Variants in CYP4F2 observed in about 807,000 individuals in gnomAD.
CYP4F2 encodes the protein cytochrome P450 4F2.
Under a neutral mutation model 58.9 loss-of-function variants are expected in CYP4F2, and 58 were observed. That is an observed-to-expected ratio of 0.98 (90% CI 0.80 to 1.23). CYP4F2 has a LOEUF of 1.23. Among genes scored for constraint, CYP4F2 ranks in the 50% most tolerant of loss-of-function variants. The pLI is 0.00. For missense variants in CYP4F2, 616 were observed against 685.6 expected (o/e 0.90, Z 1.13); for synonymous variants, 287 against 261.1 (o/e 1.10, Z -0.95).
intron 8 of CYP4F2, 54 bp from the exon 9 acceptor site, chr19:15,886,107 T>C: frequency 6.2e-7 from 1 of 1,605,534 alleles, no homozygotes; most frequent in Non-Finnish European, 8.5e-7. Flanking sequence ...CACCCGAAGG[T>C]AGACAGCACC....
chr19:15,890,403 T>C lies in CYP4F2; in HGVS notation c.556A>G (p.Ser186Gly), dbSNP rs752997881. The C allele has an allele frequency of 2.5e-6, 4 of 1,614,062 alleles. No homozygotes were observed. The highest frequency in any genetic ancestry group is 3.4e-6 in the Non-Finnish European group (4 of 1,179,974). Residue 186 changes from serine to glycine, a missense_variant, in exon 6 of 13, where the codon AGT becomes GGT. Coordinates refer to ENST00000221700, the MANE Select transcript of CYP4F2 (RefSeq NM_001082.5). ...TGCTCAAACATATCCAAACAGGCAC[T>C]ACCCTCTGAGGCCAGGAGCTGCCAC... ...AKWQLLASEG[S>G]ACLDMFEHIS... is the part of the protein sequence containing the mutation.
intron 7 of CYP4F2, among the ~76,000 whole-genome samples, chr19:15,887,419 C>T (rs1381850484): frequency 1.3e-5 from 2 of 151,678 alleles, no homozygotes; most frequent in Admixed American, 1.3e-4. Flanking sequence ...CACACATAAA[C>T]ATAGACATAG....
At position 15,885,907 on chromosome 19, in the gene CYP4F2, C is replaced by G; in HGVS notation, c.1115+17G>C. 5.0e-6 allele frequency: 8 copies of G among 1,609,476 alleles called. No individual in the cohort carries two copies. The highest frequency in any genetic ancestry group is 6.8e-6 in the Non-Finnish European group (8 of 1,177,494). ...ATGAGAAGGTCTCAGGAAGAGGCCA[C>G]AAGCACCTGCACTCACCATTCAATC... On this transcript the variant is annotated intron_variant, in intron 9 of 12. Coordinates refer to ENST00000221700, the MANE Select transcript of CYP4F2 (RefSeq NM_001082.5).
Position 15,893,435 on chromosome 19 carries a change from C to A in CYP4F2, c.344-853G>T, listed in dbSNP as rs1469061768. Among the ~76,000 whole-genome samples, 7 of 152,284 alleles carry A rather than the reference C, an allele frequency of 4.6e-5. No individual in the cohort carries two copies. In the East Asian group the frequency reaches 1.2e-3, roughly 25 times the overall value. On this transcript the variant is annotated intron_variant, in intron 3 of 12. Transcript: ENST00000221700. Reference sequence around the variant, plus strand: ...GCCACAGATAAGCCCCAAACTTGACCAGCTCTACATGACCCCAGTTGGAAT... The same window carrying A: ...GCCACAGATAAGCCCCAAACTTGACAAGCTCTACATGACCCCAGTTGGAAT...
intron 7 of CYP4F2, among the ~76,000 whole-genome samples, chr19:15,888,953 T>C (rs2089399255): frequency 6.6e-6 from 1 of 151,656 alleles, no homozygotes; most frequent in South Asian, 2.1e-4. Context: ...GACAAAGACA[T>C]AAACAGAGAC....
Position 15,878,779 on chromosome 19 carries a change from G to T in CYP4F2, c.1555C>A (p.Leu519Met), listed in dbSNP as rs3093200. ...GTGGGTCTCTGCAGAACTCAGCTCA[G>T]GGGCTCCACCCGCAGCCAAAGTCCG... ...EGGLWLRVEP[L>M]S is the part of the protein sequence containing the mutation. Residue 519 changes from leucine (L) to methionine (M), a missense_variant, in exon 13 of 13, where the codon CTG (leucine) becomes ATG (methionine). Coordinates refer to ENST00000221700, the MANE Select transcript of CYP4F2 (RefSeq NM_001082.5). 100,870 of 1,611,242 alleles carry T rather than the reference G, an allele frequency of 0.063. 1,872 individuals are homozygous for T. The highest frequency in any genetic ancestry group is 0.14 in the African/African-American group (10,410 of 73,710).
chr19:15,880,829 A>G (rs2089340337), intron 9 of CYP4F2, among the ~76,000 whole-genome samples: 1 of 152,374 alleles, frequency 6.6e-6, no homozygotes, highest in South Asian at 2.1e-4. Flanking sequence ...TTAAAATTTA[A>G]TAATACATTA....
chr19:15,892,938 G>A (rs1485315013), intron 3 of CYP4F2, among the ~76,000 whole-genome samples: 1 of 152,178 alleles, frequency 6.6e-6, no homozygotes, highest in Non-Finnish European at 1.5e-5. Flanking sequence ...GTCTGTCCCA[G>A]CACTCTCTGA....
chr19:15,895,533 T>C lies in CYP4F2; in HGVS notation c.316A>G (p.Ile106Val), dbSNP rs1260536761. ...GAGGCGTTGATGACAGACCGGATGA[T>C]GTCGGGGTGGCACAAACTGAGGAGG... ...SPLLSLCHPD[I>V]IRSVINASAA... is the part of the protein sequence containing the mutation. Residue 106 changes from isoleucine (I) to valine (V), a missense_variant, in exon 3 of 13, where the codon ATC becomes GTC. By Grantham distance (29) the Ile-to-Val change is conservative. Coordinates refer to ENST00000221700, the MANE Select transcript of CYP4F2 (RefSeq NM_001082.5). 3 of 1,542,290 alleles carry C rather than the reference T, an allele frequency of 1.9e-6. No individual in the cohort carries two copies. Among genetic ancestry groups the C allele is most frequent in the Middle Eastern group, 3.4e-4 (2 of 5,834 alleles).
chr19:15,879,156 G>A (rs904186061), intron 12 of CYP4F2, among the ~76,000 whole-genome samples, 190 bp downstream of exon 12: 7 of 152,132 alleles, frequency 4.6e-5, no homozygotes, highest in Admixed American at 3.9e-4. Context: ...AGGGGGCTCT[G>A]AGCACACCAC....
intron 7 of CYP4F2, among the ~76,000 whole-genome samples, chr19:15,888,890 A>G (rs185092370): frequency 6.6e-6 from 1 of 152,386 alleles, no homozygotes; most frequent in East Asian, 1.9e-4. Context: ...AAAGGCATAG[A>G]CGCAGACACA....
rs1363609235 is a variant in CYP4F2, at chr19:15,878,923, G to A, written c.1411C>T (p.Gln471Ter). Residue 471 changes from glutamine (Q) to a stop codon, truncating the protein, a stop_gained, in exon 13 of 13, where the codon CAG (glutamine) becomes TAG (stop). Coordinates refer to ENST00000221700, the MANE Select transcript of CYP4F2 (RefSeq NM_001082.5). LOFTEE classifies it high-confidence loss of function. ...TTCATCTCCGCCATCGCGAACGTCT[G>A]CCCGATGCAGTTCCTAGGGGAGGGA... The part of the protein sequence containing the change: ...FSAGPRNCIG[Q>*]TFAMAEMKVV... The A allele has an allele frequency of 6.2e-7, 1 of 1,613,444 alleles. No homozygotes were observed. The highest frequency in any genetic ancestry group is 2.2e-5 in the East Asian group (1 of 44,890).
intron 7 of CYP4F2, 187 bp from the exon 8 acceptor site, chr19:15,886,495 C>CT: frequency 1.6e-6 from 1 of 643,198 alleles, no homozygotes. Context: ...CATGGCCTTC[C>CT]TCTCTGGCTT....
Position 15,878,577 on chromosome 19 carries a change from G to A in CYP4F2, c.*194C>T. 5 of 883,154 alleles carry A rather than the reference G, an allele frequency of 5.7e-6. No individual in the cohort carries two copies. In the South Asian group the frequency reaches 7.9e-5, roughly 14 times the overall value. 54.7% of individuals were successfully genotyped at this position (883,154 alleles called of 1,614,324 possible). ...TAGCTTGGGGTTGTTTTCATCGTTT[G>A]GCTACTGTGAATAGGGCCGCCATGA... On this transcript the variant is annotated 3_prime_UTR_variant, in exon 13 of 13. Transcript: ENST00000221700.
intron 3 of CYP4F2, 89 bp from the exon 4 acceptor site, chr19:15,892,671 A>G: frequency 6.5e-7 from 1 of 1,548,748 alleles, no homozygotes; most frequent in Non-Finnish European, 8.7e-7. Flanking sequence ...AGAGGTTTGC[A>G]CTTCTCCCAC....
intron 5 of CYP4F2, among the ~76,000 whole-genome samples, chr19:15,890,858 T>C (rs1326071422): frequency 2.0e-5 from 3 of 152,222 alleles, no homozygotes; most frequent in African/African-American, 7.2e-5. Flanking sequence ...AGTTTCATCA[T>C]CTACCATGGG....
rs766077831 is a variant in CYP4F2, at chr19:15,879,794, C to T, written c.1219G>A (p.Val407Met). The change falls in exon 10 of 13, where the codon GTG (valine) becomes ATG (methionine). Residue 407 changes from valine to methionine, a missense_variant. Val to Met is a conservative substitution (Grantham distance 21). Transcript: ENST00000221700. ...VISRHVTQDIVLPDGRVIPKG... is the reference protein window; with the variant it reads ...VISRHVTQDIMLPDGRVIPKG... ...GGGATGACCCGGCCGTCTGGGAGCA[C>T]AATGTCCTGGGTGACATGGCGGGAG... 3.1e-6 allele frequency: 5 copies of T among 1,614,156 alleles called. No homozygotes were observed. The highest frequency in any genetic ancestry group is 1.1e-5 in the South Asian group (1 of 91,078).
intron 7 of CYP4F2, among the ~76,000 whole-genome samples, chr19:15,887,189 CACAG>C (rs963437061): frequency 4.1e-5 from 6 of 148,106 alleles, no homozygotes; most frequent in African/African-American, 1.5e-4. Flanking sequence ...CAGATATAGA[CACAG>C]ACACACACAC....
At chr19:15,897,088 C>A (rs992721113) in intron 2 of CYP4F2, among the ~76,000 whole-genome samples, 20 of 152,250 alleles carry the variant, frequency 1.3e-4, no homozygotes, top group African/African-American at 4.6e-4. Context: ...GCCTCGAGTC[C>A]AGCAATGGAG....
Sources: gnomAD v4.1 joint callset for allele counts (sites outside exome capture counted in the v4.1 genomes callset) on GRCh38, gnomAD v4.1.1 for gene constraint, MANE v1.5 for transcripts, NCBI Gene and HGNC (gene_info 2026-07-23, HGNC 2026-07-21) for gene names.